Variants in DACH1 observed in about 807,000 individuals in gnomAD.
The protein encoded by DACH1 is dachshund homolog 1.
Under a neutral mutation model 54.2 loss-of-function variants are expected in DACH1, and 12 were observed. That is an observed-to-expected ratio of 0.22 (90% confidence interval 0.14 to 0.36). The LOEUF (loss-of-function observed/expected upper bound fraction) is 0.36. Among genes scored for constraint, DACH1 ranks in the 10% least tolerant of loss-of-function variants. The pLI is 1.00. For missense variants in DACH1, 805 were observed against 929.8 expected (o/e 0.87, Z 1.75); for synonymous variants, 386 against 366.2 (o/e 1.05, Z -0.62).
chr13:71,692,899 T>A (rs540141689), intron 1 of DACH1, among the ~76,000 whole-genome samples: 1 of 152,274 alleles, frequency 6.6e-6, no homozygotes, highest in South Asian at 2.1e-4. Context: ...TGGTGTTATA[T>A]TATCAACTAC....
At chr13:71,849,432 A>C (rs2138259957) in intron 1 of DACH1, among the ~76,000 whole-genome samples, 1 of 152,352 alleles carries the variant, frequency 6.6e-6, no homozygotes, top group African/African-American at 2.4e-5. Context: ...TGGTCTTGGT[A>C]GAATCTTATT....
At chr13:71,831,262 C>T (rs1049260011) in intron 1 of DACH1, among the ~76,000 whole-genome samples, 18 of 151,404 alleles carry the variant, frequency 1.2e-4, no homozygotes, top group Non-Finnish European at 2.2e-4. Flanking sequence ...CTAAATATTT[C>T]GAATATGGAA....
At chr13:71,567,034 TA>T (rs1884931875) in intron 4 of DACH1, among the ~76,000 whole-genome samples, 1 of 152,136 alleles carries the variant, frequency 6.6e-6, no homozygotes, top group Non-Finnish European at 1.5e-5. Flanking sequence ...TCCTGTTTCC[TA>T]ATACAGTATT....
At chr13:71,657,777 T>C (rs922303678) in intron 2 of DACH1, among the ~76,000 whole-genome samples, 1 of 151,994 alleles carries the variant, frequency 6.6e-6, no homozygotes, top group Non-Finnish European at 1.5e-5. Flanking sequence ...TTCTATTTTT[T>C]TATTTTTTAT....
intron 1 of DACH1, among the ~76,000 whole-genome samples, chr13:71,828,451 C>T (rs1804514702): frequency 6.6e-6 from 1 of 151,948 alleles, no homozygotes; most frequent in Non-Finnish European, 1.5e-5. Flanking sequence ...GTGCCATCGA[C>T]ATCCAAATAT....
At chr13:71,646,716 C>T (rs948179545) in intron 2 of DACH1, among the ~76,000 whole-genome samples, 3 of 152,094 alleles carry the variant, frequency 2.0e-5, no homozygotes, top group Admixed American at 1.3e-4. Flanking sequence ...ATCCTCCGTA[C>T]TTATTTTGTT....
chr13:71,746,890 G>T (rs913899248), intron 1 of DACH1, among the ~76,000 whole-genome samples: 2 of 151,950 alleles, frequency 1.3e-5, no homozygotes, highest in African/African-American at 4.8e-5. Context: ...AATACAATGT[G>T]GTAAATATTT....
At chr13:71,748,882 C>CT (rs766499879) in intron 1 of DACH1, among the ~76,000 whole-genome samples, 4 of 18,758 alleles carry the variant, frequency 2.1e-4, no homozygotes, top group Non-Finnish European at 3.2e-4. Flanking sequence ...TTCTTTCTTT[C>CT]TTTCTTTCTT....
Position 71,631,782 on chromosome 13 carries a change from G to A in DACH1, c.965-1065C>T, listed in dbSNP as rs564180810. On this transcript the variant is annotated intron_variant, in intron 2 of 10. Transcript: ENST00000613252. ...ATCTTCATCCATCCAGAGAACAGGG[G>A]GTAGAGGCAGACATTAAATTAGAAA... 4.6e-5 allele frequency among the ~76,000 whole-genome samples: 7 copies of A among 152,178 alleles called. No homozygotes were observed. In the South Asian group the frequency reaches 1.0e-3, roughly 23 times the overall value.
chr13:71,524,544 G>A (rs978422539), intron 6 of DACH1, among the ~76,000 whole-genome samples: 8 of 151,966 alleles, frequency 5.3e-5, no homozygotes, highest in East Asian at 3.9e-4. Context: ...CTTAAATTAC[G>A]TCAAATCCCA....
rs1033591203 is a variant in DACH1, at chr13:71,467,356, G to A, written c.2083+7785C>T. ...ACACTCTGGGGACTGTTGTGGGGTG[G>A]GGGGAGGGGGGAGGGATAGCATTAG... On this transcript the variant is annotated intron_variant, in intron 10 of 10. Transcript: ENST00000613252. Among the ~76,000 whole-genome samples the A allele has an allele frequency of 5.9e-4, 69 of 117,186 alleles. 1 individual carries two copies. The highest frequency in any genetic ancestry group is 2.0e-3 in the African/African-American group (64 of 31,380). The allele number at this position is 117,186 out of a possible 152,430, so 76.9% of individuals were successfully genotyped here.
chr13:71,673,624 G>T (rs371435059), intron 2 of DACH1, among the ~76,000 whole-genome samples: 247 of 152,040 alleles, frequency 1.6e-3, no homozygotes, highest in African/African-American at 5.6e-3. Flanking sequence ...GTGTGGGGCT[G>T]GGGGAGAGAA....
chr13:71,596,758 T>A (rs930512871), intron 3 of DACH1, among the ~76,000 whole-genome samples: 2 of 152,132 alleles, frequency 1.3e-5, no homozygotes, highest in Non-Finnish European at 2.9e-5. Context: ...AACAGAACAC[T>A]GGAAATGTAG....
intron 3 of DACH1, among the ~76,000 whole-genome samples, chr13:71,608,884 G>T (rs1316372847): frequency 6.6e-6 from 1 of 152,028 alleles, no homozygotes; most frequent in Non-Finnish European, 1.5e-5. Flanking sequence ...CATGGGCATA[G>T]TTTGAGGATA....
chr13:71,528,425 C>CAT (rs1882159572), intron 6 of DACH1, among the ~76,000 whole-genome samples: 1 of 111,126 alleles, frequency 9.0e-6, no homozygotes, highest in African/African-American at 3.4e-5. Context: ...AACAGATTTT[C>CAT]TTTTTTTTTT....
intron 2 of DACH1, among the ~76,000 whole-genome samples, chr13:71,649,957 G>A (rs1477910707): frequency 6.6e-6 from 1 of 152,136 alleles, no homozygotes; most frequent in Non-Finnish European, 1.5e-5. Flanking sequence ...CACATTATGA[G>A]CAGAGGCCAG....
At chr13:71,749,204 G>A (rs896771460) in intron 1 of DACH1, among the ~76,000 whole-genome samples, 6 of 151,696 alleles carry the variant, frequency 4.0e-5, no homozygotes, top group East Asian at 3.9e-4. Flanking sequence ...GGCTGGTCTC[G>A]AACTCCTCAT....
intron 6 of DACH1, among the ~76,000 whole-genome samples, chr13:71,504,841 TA>T (rs1311476823): frequency 1.3e-5 from 2 of 152,192 alleles, no homozygotes; most frequent in Non-Finnish European, 2.9e-5. Context: ...CTTCTTCAAT[TA>T]CAATACAAAT....
chr13:71,774,526 G>A (rs571734208), intron 1 of DACH1, among the ~76,000 whole-genome samples: 51 of 152,212 alleles, frequency 3.4e-4, no homozygotes, highest in African/African-American at 1.0e-3. Context: ...AACACCTCCT[G>A]AGTGCATATT....
Sources: allele counts gnomAD v4.1 joint callset (sites outside exome capture counted in the v4.1 genomes callset), GRCh38; gene constraint gnomAD v4.1.1; transcripts MANE v1.5; gene names NCBI Gene and HGNC (gene_info 2026-07-23, HGNC 2026-07-21).